The following TAFA5 variants were observed in gnomAD, a reference collection of about 807,000 sequenced individuals.
TAFA5 encodes chemokine-like protein TAFA-5.
In TAFA5, 6 loss-of-function variants were observed where a neutral mutation model predicts 15.3. The observed-to-expected ratio is 0.39, with a 90% confidence interval of 0.21 to 0.77. TAFA5 has a LOEUF of 0.77. Among genes scored for constraint, TAFA5 ranks in the 30% least tolerant of loss-of-function variants. TAFA5 has a pLI of 0.41. For missense variants in TAFA5, 161 were observed against 193.1 expected (o/e 0.83, Z 0.98); for synonymous variants, 103 against 80.7 (o/e 1.28, Z -1.48).
intron 2 of TAFA5, among the ~76,000 whole-genome samples, chr22:48,661,746 G>C (rs2147214701): frequency 6.6e-6 from 1 of 152,328 alleles, no homozygotes; most frequent in South Asian, 2.1e-4. Flanking sequence ...GGAACCTCCG[G>C]GCTCTGGAGA....
chr22:48,683,014 C>T (rs1025096969), intron 2 of TAFA5, among the ~76,000 whole-genome samples: 8 of 152,152 alleles, frequency 5.3e-5, no homozygotes, highest in Admixed American at 1.3e-4. Context: ...TTGCATCTTT[C>T]GGTAATATTC....
Position 48,552,103 on chromosome 22 carries a change from C to T in TAFA5, c.112+62399C>T, listed in dbSNP as rs1216728984. ...CTCTGTCACTGTGGCTGTGTGGCTG[C>T]AGCCTGTGCACTGTGAGCCCTCCTT... On this transcript the variant is annotated intron_variant, in intron 1 of 3. Transcript: ENST00000402357. This position sits in a 1 kb window ranked among gnomAD's most constrained non-coding sequence, Gnocchi z 4.1. Among the ~76,000 whole-genome samples, 1 of 152,228 alleles carries T rather than the reference C, an allele frequency of 6.6e-6. No homozygotes were observed. The highest frequency in any genetic ancestry group is 1.5e-5 in the Non-Finnish European group (1 of 68,048).
chr22:48,629,864 C>T (rs760119767), intron 1 of TAFA5, among the ~76,000 whole-genome samples: 3 of 151,816 alleles, frequency 2.0e-5, no homozygotes, highest in Non-Finnish European at 4.4e-5. Flanking sequence ...AGATGCCACC[C>T]GGCAACGCCG....
At chr22:48,652,832 A>G (rs1383838263) in intron 2 of TAFA5, among the ~76,000 whole-genome samples, 4 of 120,484 alleles carry the variant, frequency 3.3e-5, no homozygotes, top group Non-Finnish European at 7.1e-5. Flanking sequence ...AGGGGCATGG[A>G]CATGTCGGCT....
chr22:48,749,824 C>T lies in TAFA5; in HGVS notation c.391-15C>T, dbSNP rs1930429700. ...TCTGCAGGAGGCTCACCCTCTCTCT[C>T]TCTTTGCTCCTCAGGTCTCCTGACA... is the stretch of plus-strand genomic sequence containing the variant. On this transcript the variant is annotated splice_polypyrimidine_tract_variant and intron_variant, in intron 3 of 3. Transcript: ENST00000402357. 4 of 1,560,858 alleles carry T rather than the reference C, an allele frequency of 2.6e-6. No homozygotes were observed. In the South Asian group the frequency reaches 4.7e-5, roughly 18 times the overall value.
At chr22:48,628,590 C>T (rs1312834709) in intron 1 of TAFA5, among the ~76,000 whole-genome samples, 1 of 152,250 alleles carries the variant, frequency 6.6e-6, no homozygotes, top group Non-Finnish European at 1.5e-5. Flanking sequence ...TCGCCACCCC[C>T]TCCAGGAGAG....
At chr22:48,662,860 T>TC (rs1360535993) in intron 2 of TAFA5, among the ~76,000 whole-genome samples, 1 of 152,088 alleles carries the variant, frequency 6.6e-6, no homozygotes, top group Non-Finnish European at 1.5e-5. Flanking sequence ...AATGGTGGCC[T>TC]CCCCCAATCC....
intron 2 of TAFA5, among the ~76,000 whole-genome samples, chr22:48,695,174 G>T (rs1928671996): frequency 6.6e-6 from 1 of 152,206 alleles, no homozygotes; most frequent in African/African-American, 2.4e-5. Context: ...CATTGTGTGT[G>T]TGTGTGTGAT....
chr22:48,749,656 G>A (rs1280281394), intron 3 of TAFA5, among the ~76,000 whole-genome samples, 183 bp from the exon 4 acceptor site: 1 of 152,192 alleles, frequency 6.6e-6, no homozygotes, highest in Non-Finnish European at 1.5e-5. Flanking sequence ...AAGGAAGGGT[G>A]GGGATTTGGG....
At chr22:48,670,343 G>A (rs6010577) in intron 2 of TAFA5, among the ~76,000 whole-genome samples, 10,232 of 152,320 alleles carry the variant, frequency 0.067, 644 homozygotes, top group African/African-American at 0.16. Flanking sequence ...GGTTTGGAAC[G>A]TTCTTTTTAA....
Position 48,689,005 on chromosome 22 carries a change from AAAAAAAG to A in TAFA5, c.263-18710_263-18704del, listed in dbSNP as rs1342464226. On this transcript the variant is annotated intron_variant, in intron 2 of 3. Transcript: ENST00000402357. ...AGACTTGTCTCGGAAAAAAAAAAAAAAAAAAAGAGAGAGAAAACCTTTGTTGATGTGC... is the reference window on the plus strand; with the variant it reads ...AGACTTGTCTCGGAAAAAAAAAAAAAAGAGAGAAAACCTTTGTTGATGTGC... 8.1e-3 allele frequency among the ~76,000 whole-genome samples: 987 copies of A among 122,592 alleles called. 22 individuals are homozygous for A. The highest frequency in any genetic ancestry group is 0.035 in the African/African-American group (933 of 26,652). 80.4% of individuals were successfully genotyped at this position (122,592 alleles called of 152,430 possible). A position where few individuals can be genotyped will look rare whatever the true frequency, so the allele number is the denominator to read the frequency against.
intron 2 of TAFA5, among the ~76,000 whole-genome samples, chr22:48,692,127 C>G (rs368228562): frequency 6.6e-6 from 1 of 152,114 alleles, no homozygotes; most frequent in Non-Finnish European, 1.5e-5. Flanking sequence ...TGGGAAGACA[C>G]CGAGACCTGA....
At chr22:48,669,624 G>A (rs1411740577) in intron 2 of TAFA5, among the ~76,000 whole-genome samples, 3 of 152,210 alleles carry the variant, frequency 2.0e-5, no homozygotes, top group Admixed American at 6.5e-5. Context: ...TTCTCCATCT[G>A]TCCCAGGTGT....
chr22:48,731,370 G>A (rs1359556780), intron 3 of TAFA5, among the ~76,000 whole-genome samples: 1 of 152,240 alleles, frequency 6.6e-6, no homozygotes, highest in East Asian at 1.9e-4. Context: ...CATTGATGAA[G>A]GTGGCTCCAT....
chr22:48,580,077 G>A (rs1188011588), intron 1 of TAFA5, among the ~76,000 whole-genome samples: 5 of 152,196 alleles, frequency 3.3e-5, no homozygotes, highest in African/African-American at 9.7e-5. Flanking sequence ...CGGTGTACCC[G>A]GGCCTCGATT....
At chr22:48,494,385 G>C (rs1259077812) in intron 1 of TAFA5, among the ~76,000 whole-genome samples, 1 of 152,202 alleles carries the variant, frequency 6.6e-6, no homozygotes, top group Admixed American at 6.5e-5. Context: ...CACTGTCAGC[G>C]ATGGTCCAGC....
rs1922881810 is a variant in TAFA5 at position 48,552,237 on chromosome 22, G to A, written c.112+62533G>A. ...AGAAGGGTCCACACTTGCCTCCTGT[G>A]GGCCAGCTGCCTTTGCTTGCTGGTG... On this transcript the variant is annotated intron_variant, in intron 1 of 3. Transcript: ENST00000402357. The surrounding 1 kb of genome is among the most constrained non-coding windows in gnomAD (Gnocchi z 4.1). 6.6e-6 allele frequency among the ~76,000 whole-genome samples: 1 copy of A among 152,166 alleles called. No homozygotes were observed. The highest frequency in any genetic ancestry group is 2.1e-4 in the South Asian group (1 of 4,824).
chr22:48,712,277 A>T (rs2147254686), intron 3 of TAFA5, among the ~76,000 whole-genome samples: 1 of 152,270 alleles, frequency 6.6e-6, no homozygotes, highest in East Asian at 1.9e-4. Context: ...GGCTCGTCTC[A>T]AACTCCTGAC....
At chr22:48,706,412 C>T (rs1470830816) in intron 2 of TAFA5, among the ~76,000 whole-genome samples, 1 of 152,264 alleles carries the variant, frequency 6.6e-6, no homozygotes, top group East Asian at 1.9e-4. Context: ...CCAGCACTGG[C>T]ATGAAGCGAG....
Sources: allele counts gnomAD v4.1 joint callset (sites outside exome capture counted in the v4.1 genomes callset), GRCh38; gene constraint gnomAD v4.1.1; non-coding constraint Gnocchi (gnomAD v3.1); transcripts MANE v1.5; gene names NCBI Gene and HGNC (gene_info 2026-07-23, HGNC 2026-07-21).